The following ABCC4 variants were observed in gnomAD, a reference collection of about 807,000 sequenced individuals.
ABCC4 encodes the protein ATP binding cassette subfamily C member 4 (PEL blood group).
Under a neutral mutation model 168.5 loss-of-function variants are expected in ABCC4, and 102 were observed. The ratio of observed to expected loss-of-function variants is 0.61; its 90% CI spans 0.52 to 0.71. The LOEUF (loss-of-function observed/expected upper bound fraction) is 0.71. Among genes scored for constraint, ABCC4 ranks in the 30% least tolerant of loss-of-function variants. ABCC4 has a pLI of 0.00. For synonymous variants in ABCC4, 617 were observed against 590.7 expected, an observed-to-expected ratio of 1.04 and a Z score of -0.65; for missense variants, 1,402 against 1,605.8, an observed-to-expected ratio of 0.87 and a Z score of 2.17.
chr13:95,234,939 G>GGA, intron 3 of ABCC4, 105 bp from the exon 4 acceptor site: 2 of 807,110 alleles, frequency 2.5e-6, no homozygotes, highest in Non-Finnish European at 3.8e-6. Context: ...CACCCATGCT[G>GGA]GAGTATAGTG....
intron 1 of ABCC4, among the ~76,000 whole-genome samples, chr13:95,290,105 T>TAGAC (rs368900407): frequency 8.1e-6 from 1 of 122,842 alleles, no homozygotes; most frequent in Non-Finnish European, 1.8e-5. Flanking sequence ...TCAAAAAAAA[T>TAGAC]AGATAGATAG....
rs138171541 is a variant in ABCC4 at position 95,042,972 on chromosome 13, G to C, written c.3735+710C>G. ...ATTAGTAGAGACAGGGTTTCCCCACGTTGGCCAGGCTGGTCTCGAACTCCT... is the reference window on the plus strand; with the variant it reads ...ATTAGTAGAGACAGGGTTTCCCCACCTTGGCCAGGCTGGTCTCGAACTCCT... On this transcript the variant is annotated intron_variant, in intron 29 of 30. Transcript: ENST00000645237. Among the ~76,000 whole-genome samples, 3 of 152,266 alleles carry C rather than the reference G, an allele frequency of 2.0e-5. 1 individual carries two copies. In the South Asian group the frequency reaches 6.2e-4, roughly 32 times the overall value.
At chr13:95,164,149 C>T (rs540196841) in intron 16 of ABCC4, among the ~76,000 whole-genome samples, 1 of 151,912 alleles carries the variant, frequency 6.6e-6, no homozygotes, top group Non-Finnish European at 1.5e-5. Flanking sequence ...TCCCAGATAT[C>T]AAGGGTTCAA....
intron 21 of ABCC4, among the ~76,000 whole-genome samples, chr13:95,076,403 C>A (rs1459184715): frequency 6.6e-6 from 1 of 151,680 alleles, no homozygotes; most frequent in Non-Finnish European, 1.5e-5. Flanking sequence ...GAAGTGAATT[C>A]TTTTTTGTGT....
At chr13:95,134,478 A>C (rs2036076183) in intron 19 of ABCC4, among the ~76,000 whole-genome samples, 1 of 152,064 alleles carries the variant, frequency 6.6e-6, no homozygotes, top group Non-Finnish European at 1.5e-5. Context: ...AATGAAAACA[A>C]GAGAGGCCGA....
At chr13:95,204,052 C>T (rs2038711555) in intron 8 of ABCC4, among the ~76,000 whole-genome samples, 2 of 152,104 alleles carry the variant, frequency 1.3e-5, no homozygotes, top group Non-Finnish European at 2.9e-5. Context: ...AAAAGTACCA[C>T]CAGGCTCCTG....
intron 26 of ABCC4, among the ~76,000 whole-genome samples, chr13:95,058,584 AAAAAAAAAGAAAAG>A (rs1566378999): frequency 1.7e-5 from 1 of 57,900 alleles, no homozygotes; most frequent in African/African-American, 5.8e-5. Flanking sequence ...AAAAAAAAAA[AAAAAAAAAGAAAAG>A]AAAAAGAAAA....
intron 6 of ABCC4, among the ~76,000 whole-genome samples, chr13:95,208,410 G>C (rs539568371): frequency 6.7e-6 from 1 of 150,336 alleles, no homozygotes; most frequent in South Asian, 2.1e-4. Flanking sequence ...TATTTCTCCA[G>C]ATGGCAAAGA....
chr13:95,074,391 T>G (rs1032072387), intron 22 of ABCC4, 67 bp from the exon 23 acceptor site: 4 of 1,317,462 alleles, frequency 3.0e-6, no homozygotes, highest in Non-Finnish European at 3.2e-6. Flanking sequence ...TTTTGCTCAG[T>G]TGAGCTACAG....
chr13:95,041,989 G>C (rs914409010), intron 29 of ABCC4, among the ~76,000 whole-genome samples: 3 of 152,196 alleles, frequency 2.0e-5, no homozygotes, highest in Non-Finnish European at 4.4e-5. Context: ...CCTCCTGGTA[G>C]GACCTCCTGT....
intron 25 of ABCC4, among the ~76,000 whole-genome samples, chr13:95,064,256 GTGTGTATATATATATATA>G (rs1387628236): frequency 4.0e-4 from 6 of 15,160 alleles, no homozygotes; most frequent in Admixed American, 2.9e-3. Context: ...GTGTGTGTGT[GTGTGTATATATATATATA>G]TATATATATA....
chr13:95,031,135 T>C (rs1483263445), intron 30 of ABCC4, among the ~76,000 whole-genome samples: 1 of 152,220 alleles, frequency 6.6e-6, no homozygotes, highest in Non-Finnish European at 1.5e-5. Flanking sequence ...TGCTTGCACA[T>C]TTAAAAGGTT....
chr13:95,162,183 C>T (rs116589144), intron 18 of ABCC4, among the ~76,000 whole-genome samples: 6 of 152,324 alleles, frequency 3.9e-5, no homozygotes, highest in South Asian at 2.1e-4. Flanking sequence ...CCATCCTACA[C>T]GAACATAATA....
At chr13:95,047,701 T>C (rs1040510224) in intron 27 of ABCC4, among the ~76,000 whole-genome samples, 7 of 152,062 alleles carry the variant, frequency 4.6e-5, no homozygotes, top group South Asian at 2.1e-4. Flanking sequence ...GCCAGGATGG[T>C]CTCGATCTCC....
At chr13:95,031,651 G>A (rs2031883931) in intron 30 of ABCC4, among the ~76,000 whole-genome samples, 1 of 152,142 alleles carries the variant, frequency 6.6e-6, no homozygotes, top group Non-Finnish European at 1.5e-5. Flanking sequence ...ACCAGTAATT[G>A]AGATTTCAAT....
chr13:95,062,179 C>T, intron 26 of ABCC4, among the ~76,000 whole-genome samples: 1 of 152,136 alleles, frequency 6.6e-6, no homozygotes, highest in East Asian at 1.9e-4. Flanking sequence ...TATTCTTTAA[C>T]AACCTCCTGG....
chr13:95,136,760 G>A (rs894048236), intron 19 of ABCC4, among the ~76,000 whole-genome samples: 2 of 152,208 alleles, frequency 1.3e-5, no homozygotes, highest in Non-Finnish European at 2.9e-5. Context: ...GGGGAAGGAC[G>A]GGGTGGAGAA....
intron 4 of ABCC4, among the ~76,000 whole-genome samples, chr13:95,218,859 A>AG (rs1221694940): frequency 0.034 from 5,095 of 149,214 alleles, 415 homozygotes; most frequent in African/African-American, 0.12. Flanking sequence ...AGAAAAGAAA[A>AG]AAAAAGAAAA....
At chr13:95,180,320 G>A (rs565014220) in intron 11 of ABCC4, among the ~76,000 whole-genome samples, 3 of 152,176 alleles carry the variant, frequency 2.0e-5, no homozygotes, top group African/African-American at 4.8e-5. Flanking sequence ...TTGGGAGGCC[G>A]ACACGGGTGG....
Sources: allele counts gnomAD v4.1 joint callset (sites outside exome capture counted in the v4.1 genomes callset), GRCh38; gene constraint gnomAD v4.1.1; transcripts MANE v1.5; gene names NCBI Gene and HGNC (gene_info 2026-07-23, HGNC 2026-07-21).